The following COL23A1 variants were observed in gnomAD, a reference collection of about 807,000 sequenced individuals.
COL23A1 encodes the protein collagen type XXIII alpha 1 chain.
Under a neutral mutation model 99.3 loss-of-function variants are expected in COL23A1, and 97 were observed. The observed-to-expected ratio is 0.98, with a 90% CI of 0.83 to 1.16. The LOEUF (loss-of-function observed/expected upper bound fraction) is 1.16, where lower values mean the gene tolerates loss of function less well. Ranked by LOEUF, COL23A1 falls within the 50% of genes most tolerant of loss-of-function variation. The probability of loss-of-function intolerance (pLI) is 0.00; values close to 1 mark genes in which losing one functional copy is unlikely to be tolerated. For synonymous variants in COL23A1, 320 were observed against 308.2 expected, an observed-to-expected ratio of 1.04 and a Z score of -0.40; for missense variants, 762 against 757.4, an observed-to-expected ratio of 1.01 and a Z score of -0.07.
chr5:178,350,312 G>A (rs1347047206), intron 2 of COL23A1, among the ~76,000 whole-genome samples: 3 of 152,140 alleles, frequency 2.0e-5, no homozygotes, highest in Non-Finnish European at 4.4e-5. Flanking sequence ...GATATCATCA[G>A]CTCACCCTCT....
chr5:178,506,477 C>T (rs34145491), intron 2 of COL23A1, among the ~76,000 whole-genome samples: 52,779 of 152,056 alleles, frequency 0.35, 11,016 homozygotes, highest in Admixed American at 0.49. Context: ...AAGGAACATC[C>T]CCCTGGGCAG....
At chr5:178,391,602 G>A in intron 2 of COL23A1, among the ~76,000 whole-genome samples, 1 of 152,150 alleles carries the variant, frequency 6.6e-6, no homozygotes, top group Non-Finnish European at 1.5e-5. Context: ...AGGATGGGGG[G>A]AAACTGGAAC....
chr5:178,247,901 C>T (rs569545792), intron 20 of COL23A1, 70 bp from the exon 21 acceptor site: 127 of 1,350,068 alleles, frequency 9.4e-5, no homozygotes, highest in Admixed American at 1.9e-4. Context: ...CCGAGCTCAT[C>T]GCACACTGCT....
chr5:178,249,067 C>T, intron 19 of COL23A1, 50 bp downstream of exon 19: 2 of 1,585,478 alleles, frequency 1.3e-6, no homozygotes, highest in South Asian at 1.1e-5. Context: ...ACAGTCACCT[C>T]AGGGCTTCCA....
intron 2 of COL23A1, among the ~76,000 whole-genome samples, chr5:178,333,033 C>A (rs1760118187): frequency 6.6e-6 from 1 of 152,164 alleles, no homozygotes; most frequent in South Asian, 2.1e-4. Context: ...TCTTGGCTCA[C>A]TGTAACCTCC....
intron 28 of COL23A1, 116 bp from the exon 29 acceptor site, chr5:178,238,816 C>A: frequency 1.4e-6 from 2 of 1,397,758 alleles, no homozygotes; most frequent in Non-Finnish European, 2.0e-6. Flanking sequence ...TTCCCTCCCC[C>A]CACTCCCTCT....
chr5:178,509,170 A>ACCC (rs1221478461), intron 2 of COL23A1, among the ~76,000 whole-genome samples: 1 of 90,378 alleles, frequency 1.1e-5, no homozygotes, highest in Non-Finnish European at 2.2e-5. Context: ...GGCACCTCCC[A>ACCC]CCCCCGCCCA....
chr5:178,308,440 C>T lies in COL23A1; in HGVS notation c.362-1521G>A, dbSNP rs552895552. On this transcript the variant is annotated intron_variant, in intron 2 of 28. Coordinates refer to ENST00000390654, the MANE Select transcript of COL23A1 (RefSeq NM_173465.4). This position sits in a 1 kb window ranked among gnomAD's most constrained non-coding sequence, Gnocchi z 5.1. ...CCAGGGACGTAGCCCTTGGTTTTCT[C>T]CCATCCTGGACACAGACCCTGAATT... Among the ~76,000 whole-genome samples, 1 of 152,138 alleles carries T rather than the reference C, an allele frequency of 6.6e-6. No individual in the cohort carries two copies. The highest frequency in any genetic ancestry group is 1.5e-5 in the Non-Finnish European group (1 of 67,928).
In COL23A1 at chr5:178,491,097, G is replaced by C. The variant is rs372113423; in HGVS notation, c.361+69585C>G. ...AAGAAGGAGAAGAGAGAAGAGAGAG[G>C]AGGGGGGAAAGAGAGAGGAGACACG... On this transcript the variant is annotated intron_variant, in intron 2 of 28. Coordinates refer to ENST00000390654, the MANE Select transcript of COL23A1 (RefSeq NM_173465.4). 1.8e-4 allele frequency among the ~76,000 whole-genome samples: 27 copies of C among 151,746 alleles called. No individual in the cohort carries two copies. The East Asian group carries it at 2.9e-3, about 16-fold the overall frequency.
intron 2 of COL23A1, among the ~76,000 whole-genome samples, chr5:178,422,460 G>C (rs1376379901): frequency 6.6e-6 from 1 of 152,176 alleles, no homozygotes; most frequent in Non-Finnish European, 1.5e-5. Context: ...TGGGGACTGA[G>C]GGCCAGAGGG....
In COL23A1 at chr5:178,250,091, C is replaced by A. The variant is rs768018734; in HGVS notation, c.1029G>T (p.Leu343Phe). Residue 343 changes from leucine to phenylalanine, a missense_variant, in exon 18 of 29, where the codon TTG (leucine) becomes TTT (phenylalanine). Physicochemically the swap from Leu to Phe is conservative, Grantham distance 22 (BLOSUM62 0). Transcript: ENST00000390654. ...GIPGAKGELGLPGAPGIDGEK... is the reference protein window; with the variant it reads ...GIPGAKGELGFPGAPGIDGEK... The stretch of plus-strand genomic sequence containing the variant: ...CTCCATCGATTCCTGGGGCACCGGG[C>A]AATCCAAGCTCGCCCTGGAAGGGAA... 1 of 1,614,050 alleles carries A rather than the reference C, an allele frequency of 6.2e-7. No homozygotes were observed. The highest frequency in any genetic ancestry group is 8.5e-7 in the Non-Finnish European group (1 of 1,180,012).
At chr5:178,419,063 C>T (rs1765459138) in intron 2 of COL23A1, among the ~76,000 whole-genome samples, 1 of 152,172 alleles carries the variant, frequency 6.6e-6, no homozygotes, top group Admixed American at 6.5e-5. Context: ...AACACAGTTG[C>T]CCCATCCTGT....
intron 2 of COL23A1, among the ~76,000 whole-genome samples, chr5:178,362,996 C>T (rs1351846069): frequency 6.6e-5 from 7 of 105,558 alleles, no homozygotes; most frequent in South Asian, 7.6e-4. Flanking sequence ...CCCACAGCAA[C>T]CCACCCCCAC....
chr5:178,313,929 A>G lies in COL23A1; in HGVS notation c.362-7010T>C, dbSNP rs1758840434. ...CCCCAGACCATTTCATTTGTTTTAC[A>G]AGTCTCAGACCAACCTCAGAGCTGA... On this transcript the variant is annotated intron_variant, in intron 2 of 28. Transcript: ENST00000390654. This position sits in a 1 kb window ranked among gnomAD's most constrained non-coding sequence, Gnocchi z 4.2. Among the ~76,000 whole-genome samples the G allele has an allele frequency of 6.6e-6, 1 of 152,156 alleles. No individual in the cohort carries two copies. Among genetic ancestry groups the G allele is most frequent in the Admixed American group, 6.5e-5 (1 of 15,280 alleles).
intron 2 of COL23A1, among the ~76,000 whole-genome samples, chr5:178,311,563 C>CGT (rs933174089): frequency 3.2e-4 from 48 of 149,458 alleles, no homozygotes; most frequent in South Asian, 2.3e-3. Context: ...TGGGTTCTTT[C>CGT]GTGTGTGTGT....
intron 2 of COL23A1, among the ~76,000 whole-genome samples, chr5:178,316,147 A>C (rs542763900): frequency 1.3e-5 from 2 of 152,312 alleles, no homozygotes; most frequent in South Asian, 4.1e-4. Flanking sequence ...CAGCACTATA[A>C]ACTTATGTTA....
intron 13 of COL23A1, 62 bp from the exon 14 acceptor site, chr5:178,256,990 G>A: frequency 6.6e-7 from 1 of 1,520,094 alleles, no homozygotes; most frequent in South Asian, 1.2e-5. Context: ...GTGCCTTGGA[G>A]GGGGGCGTGC....
At chr5:178,481,131 C>CAAAAAAAA (rs10625763) in intron 2 of COL23A1, among the ~76,000 whole-genome samples, 87 of 102,178 alleles carry the variant, frequency 8.5e-4, no homozygotes, top group African/African-American at 1.9e-3. Flanking sequence ...GACTGTCTCT[C>CAAAAAAAA]AAAAAAAAAA....
chr5:178,442,893 G>T (rs1053510033), intron 2 of COL23A1: 1 of 152,294 alleles, frequency 6.6e-6, no homozygotes, highest in Admixed American at 6.5e-5. Context: ...AGGGGAGAAT[G>T]AGCCACCAAA....
Sources: allele counts gnomAD v4.1 joint callset (sites outside exome capture counted in the v4.1 genomes callset), GRCh38; gene constraint gnomAD v4.1.1; non-coding constraint Gnocchi (gnomAD v3.1); transcripts MANE v1.5; gene names NCBI Gene and HGNC (gene_info 2026-07-23, HGNC 2026-07-21).